SLC12A5: variants seen among roughly 807,000 people sequenced by gnomAD.
The protein encoded by SLC12A5 is K-Cl cotransporter 2.
SLC12A5 carries 18 observed loss-of-function variants against 124.0 expected under a neutral mutation model. The observed-to-expected ratio is 0.15, with a 90% CI of 0.10 to 0.22. The LOEUF is 0.22. Among genes scored for constraint, SLC12A5 ranks in the 10% least tolerant of loss-of-function variants. The pLI is 1.00. For missense variants in SLC12A5, 867 were observed against 1,478.7 expected (o/e 0.59, Z 6.78); for synonymous variants, 589 against 568.0 (o/e 1.04, Z -0.53).
At chr20:46,035,338 C>A (rs1600590753) in intron 2 of SLC12A5, 66 bp from the exon 3 acceptor site, 1 of 1,563,708 alleles carries the variant, frequency 6.4e-7, no homozygotes, top group Non-Finnish European at 8.7e-7. Flanking sequence ...CTTCCTCTGC[C>A]CTTCGCCACC....
At position 46,045,141 on chromosome 20, in the gene SLC12A5, G is replaced by A; in HGVS notation, c.1569+1G>A. On this transcript the variant is annotated splice_donor_variant, in intron 12 of 25. Coordinates refer to ENST00000243964, the MANE Select transcript of SLC12A5 (RefSeq NM_020708.5). LOFTEE classifies it high-confidence loss of function. The surrounding 1 kb of genome is among the most constrained non-coding windows in gnomAD (Gnocchi z 4.9). ...GGATGGCATTGTGCCCTTCCTGCAG[G>A]TCAGTGTGGGAGAAGAACAGCCCAC... is the stretch of plus-strand genomic sequence containing the variant. 6.4e-7 allele frequency: 1 copy of A among 1,569,736 alleles called. No individual in the cohort carries two copies.
chr20:46,032,208 G>A (rs2084459303), intron 1 of SLC12A5, among the ~76,000 whole-genome samples: 2 of 152,222 alleles, frequency 1.3e-5, no homozygotes, highest in South Asian at 2.1e-4. Flanking sequence ...CTGCGCGGTC[G>A]CCATGGAGAC....
chr20:46,041,931 G>A (rs939279741), intron 8 of SLC12A5, among the ~76,000 whole-genome samples: 1 of 152,098 alleles, frequency 6.6e-6, no homozygotes, highest in Non-Finnish European at 1.5e-5. Flanking sequence ...ATGCCCGGGG[G>A]GGGAGAGTTC....
intron 18 of SLC12A5, among the ~76,000 whole-genome samples, chr20:46,052,384 A>C (rs961668179): frequency 1.1e-4 from 16 of 152,216 alleles, no homozygotes; most frequent in African/African-American, 3.6e-4. Context: ...TTTGATGTGA[A>C]ACTGAGGCAC....
At chr20:46,027,043 C>G (rs1190622228), upstream of SLC12A5, among the ~76,000 whole-genome samples, 1 of 152,248 alleles carries the variant, frequency 6.6e-6, no homozygotes, top group Admixed American at 6.5e-5. Flanking sequence ...CTCTGACAAA[C>G]ATGCTACACG....
Position 46,057,433 on chromosome 20 carries a change from G to A in SLC12A5, c.3260-81G>A, listed in dbSNP as rs1198059337. The A allele has an allele frequency of 6.2e-6, 10 of 1,601,846 alleles. No homozygotes were observed. Among genetic ancestry groups the A allele is most frequent in the Non-Finnish European group, 1.7e-6 (2 of 1,169,060 alleles). ...ACCTCGGACAGGGACACGGGCGCGA[G>A]AGGTCCCCTGGCAGCCGAGCGCGAC... On this transcript the variant is annotated intron_variant, in intron 25 of 25. Transcript: ENST00000243964. This position sits in a 1 kb window ranked among gnomAD's most constrained non-coding sequence, Gnocchi z 7.1.
At chr20:46,031,301 C>T (rs1012687833) in intron 1 of SLC12A5, among the ~76,000 whole-genome samples, 10 of 152,158 alleles carry the variant, frequency 6.6e-5, no homozygotes, top group African/African-American at 2.4e-4. Context: ...CATCTGGAGA[C>T]CTTCTTTCTA....
rs6065917 is a variant in SLC12A5 at position 46,059,905 on chromosome 20, A to G, written c.*2300A>G. 19,590 of 349,170 alleles carry G rather than the reference A, an allele frequency of 0.056. 772 individuals are homozygous for G. Among genetic ancestry groups the G allele is most frequent in the Non-Finnish European group, 0.075 (14,657 of 195,020 alleles). The allele number at this position is 349,170 out of a possible 1,614,324, so 21.6% of individuals were successfully genotyped here. On this transcript the variant is annotated 3_prime_UTR_variant, in exon 26 of 26. Coordinates refer to ENST00000243964, the MANE Select transcript of SLC12A5 (RefSeq NM_020708.5). ...ATAGGAGAGGTTGCAAACCAAATCA[A>G]GAGTATTTATTACTATTACTGCTAT... is the stretch of plus-strand genomic sequence containing the variant.
chr20:46,021,996 G>T, intron 1 of SLC12A5: 1 of 1,256,346 alleles, frequency 8.0e-7, no homozygotes. Flanking sequence ...GCGGGGAGGG[G>T]TCCCAGCCCT....
chr20:46,021,982 G>A (rs578064005), intron 1 of SLC12A5: 2 of 1,329,170 alleles, frequency 1.5e-6, no homozygotes, highest in African/African-American at 1.6e-5. Context: ...GGCCAAGACC[G>A]GGGGCGGGGA....
At chr20:46,027,733 CG>C (rs1421503125), upstream of SLC12A5, 1 of 152,184 alleles carries the variant, frequency 6.6e-6, no homozygotes, top group Non-Finnish European at 1.5e-5. Context: ...GGAGGCAAGA[CG>C]ACTTTTATAA....
chr20:46,043,537 C>T (rs2084567003), intron 9 of SLC12A5, 96 bp from the exon 10 acceptor site: 2 of 1,346,226 alleles, frequency 1.5e-6, no homozygotes, highest in Non-Finnish European at 2.1e-6. Context: ...GGACTAGATC[C>T]CAGACTCACT....
chr20:46,049,921 T>G, intron 17 of SLC12A5, 131 bp downstream of exon 17: 9 of 1,182,992 alleles, frequency 7.6e-6, no homozygotes, highest in Non-Finnish European at 9.2e-6. Context: ...TTCTTTTCCT[T>G]AGAGGAAGAG....
chr20:46,044,971 G>A lies in SLC12A5; in HGVS notation c.1400G>A (p.Gly467Asp), dbSNP rs763936269. Residue 467 changes from glycine (G) to aspartate (D), a missense_variant, in exon 12 of 26, where the codon GGC becomes GAC. Coordinates refer to ENST00000243964, the MANE Select transcript of SLC12A5 (RefSeq NM_020708.5). The part of the protein sequence containing the change: ...IEGVVLRDKF[G>D]EAVNGNLVVG... ...TCCTGTCCACATCATTCCAGGTTTG[G>A]CGAAGCTGTGAATGGCAACCTCGTG... The A allele has an allele frequency of 6.2e-7, 1 of 1,614,066 alleles. No homozygotes were observed. The highest frequency in any genetic ancestry group is 8.5e-7 in the Non-Finnish European group (1 of 1,180,024).
chr20:46,030,466 C>T (rs1350005410), intron 1 of SLC12A5, among the ~76,000 whole-genome samples: 4 of 144,136 alleles, frequency 2.8e-5, no homozygotes, highest in African/African-American at 7.7e-5. Flanking sequence ...GGCTCCCAGG[C>T]CCCCCGCCGC....
chr20:46,046,329 G>A lies in SLC12A5; in HGVS notation c.1689-9G>A. 1 of 1,613,522 alleles carries A rather than the reference G, an allele frequency of 6.2e-7. No homozygotes were observed. The highest frequency in any genetic ancestry group is 8.5e-7 in the Non-Finnish European group (1 of 1,179,556). On this transcript the variant is annotated splice_polypyrimidine_tract_variant and intron_variant, in intron 13 of 25. Transcript: ENST00000243964. ...TCTCTGTCTCCCCTGGGGCCTTCCT[G>A]TGTTCCAGGTTCTTCCTGATGTGCT...
chr20:46,052,555 C>T lies in SLC12A5; in HGVS notation c.2378-402C>T, dbSNP rs149018286. ...TGAAAAAGAAGTTTGCTCCAAGTCACAAAGTGGGGAGCCAGGTTTTGAACC... is the reference window on the plus strand; with the variant it reads ...TGAAAAAGAAGTTTGCTCCAAGTCATAAAGTGGGGAGCCAGGTTTTGAACC... On this transcript the variant is annotated intron_variant, in intron 18 of 25. Transcript: ENST00000243964. Among the ~76,000 whole-genome samples the T allele has an allele frequency of 2.7e-3, 408 of 152,354 alleles. 5 individuals are homozygous for T. Among genetic ancestry groups the T allele is most frequent in the African/African-American group, 9.3e-3 (388 of 41,574 alleles).
At chr20:46,035,256 TCTC>T (rs1316560466) in intron 2 of SLC12A5, 145 bp from the exon 3 acceptor site, 7 of 1,096,170 alleles carry the variant, frequency 6.4e-6, no homozygotes, top group Non-Finnish European at 9.4e-6. Context: ...TTACCCCTGT[TCTC>T]CTCACCTGTT....
At chr20:46,024,288 A>C (rs747392979), upstream of SLC12A5, among the ~76,000 whole-genome samples, 1 of 151,676 alleles carries the variant, frequency 6.6e-6, no homozygotes, top group Admixed American at 6.6e-5. Context: ...TGATGTGTAC[A>C]TTTCTGTGTC....
Sources: allele counts gnomAD v4.1 joint callset (sites outside exome capture counted in the v4.1 genomes callset), GRCh38; gene constraint gnomAD v4.1.1; non-coding constraint Gnocchi (gnomAD v3.1); transcripts MANE v1.5; gene names NCBI Gene and HGNC (gene_info 2026-07-23, HGNC 2026-07-21).